The following ZBTB8B variants were observed in gnomAD, a reference collection of about 807,000 sequenced individuals.
The protein encoded by ZBTB8B is zinc finger and BTB domain-containing protein 8B.
In ZBTB8B, 17 loss-of-function variants were observed where a neutral mutation model predicts 30.3. The observed-to-expected ratio is 0.56, with a 90% CI of 0.38 to 0.84. The LOEUF is 0.84. Ranked by LOEUF, ZBTB8B falls within the 40% of genes least tolerant of loss-of-function variation. The pLI is 0.00. For synonymous variants in ZBTB8B, 248 were observed against 255.6 expected (o/e 0.97, Z 0.28); for missense variants, 515 against 644.9 (o/e 0.80, Z 2.18).
At chr1:32,468,970 G>A (rs536618013) in intron 1 of ZBTB8B, among the ~76,000 whole-genome samples, 25 of 152,066 alleles carry the variant, frequency 1.6e-4, no homozygotes, top group Admixed American at 2.6e-4. Flanking sequence ...CAGGAGGATC[G>A]CTTGAGGCAA....
rs1357899611 is a variant in ZBTB8B at position 32,477,357 on chromosome 1, G to T, written c.992-3534G>T. On this transcript the variant is annotated intron_variant, in intron 2 of 3. Coordinates refer to ENST00000609129, the MANE Select transcript of ZBTB8B (RefSeq NM_001145720.2). Reference sequence around the variant, plus strand: ...TAGGATTCAGGTGAACTGTGGTATTGGAGTGAGATCAGGAAAGGGGAAGAA... The same window carrying T: ...TAGGATTCAGGTGAACTGTGGTATTTGAGTGAGATCAGGAAAGGGGAAGAA... Among the ~76,000 whole-genome samples the T allele has an allele frequency of 2.0e-5, 3 of 152,178 alleles. No homozygotes were observed. The South Asian group carries it at 6.2e-4, about 32-fold the overall frequency.
rs1050618190 is a variant in ZBTB8B, at chr1:32,495,502, T to C, written c.*10084T>C. On this transcript the variant is annotated 3_prime_UTR_variant, in exon 4 of 4. Transcript: ENST00000609129. Reference sequence around the variant, plus strand: ...ATAATCTCAAGCTAAATTTTTGTTTTGATTTATATACAGTCAGATTGAAAC... The same window carrying C: ...ATAATCTCAAGCTAAATTTTTGTTTCGATTTATATACAGTCAGATTGAAAC... 14 of 152,184 alleles carry C rather than the reference T, an allele frequency of 9.2e-5. No homozygotes were observed. Among genetic ancestry groups the C allele is most frequent in the African/African-American group, 3.4e-4 (14 of 41,442 alleles). 9.4% of individuals were successfully genotyped at this position (152,184 alleles called of 1,614,324 possible).
chr1:32,471,519 C>A lies in ZBTB8B; in HGVS notation c.895C>A (p.His299Asn), dbSNP rs976982337. The change falls in exon 2 of 4, where the codon CAC becomes AAC. Residue 299 changes from histidine to asparagine, a missense_variant. Transcript: ENST00000609129. ...AAPSKDDADH[H>N]FSRSLEGRPE... ...CCCGAGCAAGGATGATGCAGACCAT[C>A]ACTTTTCTAGGAGTTTGGAAGGAAG... 27 of 1,551,682 alleles carry A rather than the reference C, an allele frequency of 1.7e-5. No individual in the cohort carries two copies. Among genetic ancestry groups the A allele is most frequent in the Admixed American group, 7.8e-5 (4 of 50,986 alleles).
In ZBTB8B at chr1:32,484,807, T is replaced by C. The variant is rs183181172; in HGVS notation, c.1171-294T>C. On this transcript the variant is annotated intron_variant, in intron 3 of 3. Coordinates refer to ENST00000609129, the MANE Select transcript of ZBTB8B (RefSeq NM_001145720.2). The surrounding 1 kb of genome is among the most constrained non-coding windows in gnomAD (Gnocchi z 4.5). ...GCTCCCCCTTTGTCTTCTGCCACAATTGTAAGTTTCCTGAGGCCTCCCTAG... is the reference window on the plus strand; with the variant it reads ...GCTCCCCCTTTGTCTTCTGCCACAACTGTAAGTTTCCTGAGGCCTCCCTAG... Among the ~76,000 whole-genome samples the C allele has an allele frequency of 5.5e-3, 832 of 152,172 alleles. 13 individuals carry two copies. Among genetic ancestry groups the C allele is most frequent in the African/African-American group, 0.019 (790 of 41,502 alleles).
chr1:32,482,210 G>T (rs1300081803), intron 3 of ZBTB8B, among the ~76,000 whole-genome samples: 2 of 151,906 alleles, frequency 1.3e-5, no homozygotes, highest in Non-Finnish European at 2.9e-5. Context: ...GGTTGCCCAG[G>T]CTGGTCTTGA....
chr1:32,484,625 G>T lies in ZBTB8B; in HGVS notation c.1171-476G>T, dbSNP rs1016498899. ...ATGCTGGAAGTGGGGCCTGGTGGGA[G>T]GTGGTTGCATCATGGGGGCAGTTTC... On this transcript the variant is annotated intron_variant, in intron 3 of 3. Transcript: ENST00000609129. The surrounding 1 kb of genome is among the most constrained non-coding windows in gnomAD (Gnocchi z 4.5). 1.3e-5 allele frequency among the ~76,000 whole-genome samples: 2 copies of T among 152,066 alleles called. No individual in the cohort carries two copies. Among genetic ancestry groups the T allele is most frequent in the Non-Finnish European group, 2.9e-5 (2 of 68,008 alleles).
At position 32,465,920 on chromosome 1, in the gene ZBTB8B, C is replaced by T. The variant is rs893033091; in HGVS notation, c.-42+815C>T. ...TAAAAGCCAGGCATGGTGGCGCGCA[C>T]CTGTAGTCCCTGCTACTCGGGAAGC... On this transcript the variant is annotated intron_variant, in intron 1 of 3. Coordinates refer to ENST00000609129, the MANE Select transcript of ZBTB8B (RefSeq NM_001145720.2). The surrounding 1 kb of genome is among the most constrained non-coding windows in gnomAD (Gnocchi z 4.1). Among the ~76,000 whole-genome samples, 6 of 152,114 alleles carry T rather than the reference C, an allele frequency of 3.9e-5. No homozygotes were observed. The highest frequency in any genetic ancestry group is 7.4e-5 in the Non-Finnish European group (5 of 68,026).
chr1:32,478,093 G>A (rs868579789), intron 2 of ZBTB8B, among the ~76,000 whole-genome samples: 9 of 151,912 alleles, frequency 5.9e-5, no homozygotes, highest in African/African-American at 1.7e-4. Context: ...GGTGGCACAC[G>A]CCTGTAGTCC....
intron 2 of ZBTB8B, among the ~76,000 whole-genome samples, chr1:32,476,463 C>T (rs1643666061): frequency 6.6e-6 from 1 of 152,126 alleles, no homozygotes; most frequent in African/African-American, 2.4e-5. Context: ...TCTCCACCTC[C>T]ACAACTACTG....
rs995312798 is a variant in ZBTB8B at position 32,465,392 on chromosome 1, G to C, written c.-42+287G>C. Among the ~76,000 whole-genome samples the C allele has an allele frequency of 1.3e-5, 2 of 152,262 alleles. No individual in the cohort carries two copies. Among genetic ancestry groups the C allele is most frequent in the African/African-American group, 4.8e-5 (2 of 41,474 alleles). ...GCGCCGACTACTTCCACGGTGAATG[G>C]TGCCCAGGCGTGGGGGGCTCGGCCA... On this transcript the variant is annotated intron_variant, in intron 1 of 3. Coordinates refer to ENST00000609129, the MANE Select transcript of ZBTB8B (RefSeq NM_001145720.2). This position sits in a 1 kb window ranked among gnomAD's most constrained non-coding sequence, Gnocchi z 4.1.
At chr1:32,480,834 T>TA (rs1328229979) in intron 2 of ZBTB8B, 57 bp from the exon 3 acceptor site, 5 of 1,457,778 alleles carry the variant, frequency 3.4e-6, no homozygotes, top group Non-Finnish European at 4.6e-6. Context: ...CACCGGCGGG[T>TA]AGCCAGGGTT....
intron 2 of ZBTB8B, among the ~76,000 whole-genome samples, chr1:32,478,948 C>T (rs1192338883): frequency 6.6e-6 from 1 of 152,184 alleles, no homozygotes; most frequent in Non-Finnish European, 1.5e-5. Flanking sequence ...CAAGTTCTTA[C>T]TATGTGCCAC....
At chr1:32,474,374 A>ATTG (rs1270741544) in intron 2 of ZBTB8B, among the ~76,000 whole-genome samples, 5 of 144,216 alleles carry the variant, frequency 3.5e-5, no homozygotes, top group African/African-American at 1.3e-4. Flanking sequence ...AAAAAAAAAA[A>ATTG]AAAAAAAATT....
chr1:32,485,354 G>A lies in ZBTB8B; in HGVS notation c.1424G>A (p.Gly475Glu), dbSNP rs748932460. 17 of 1,552,250 alleles carry A rather than the reference G, an allele frequency of 1.1e-5. No individual in the cohort carries two copies. The highest frequency in any genetic ancestry group is 2.0e-5 in the Admixed American group (1 of 50,990). The change falls in exon 4 of 4, where the codon GGA becomes GAA. Residue 475 changes from glycine to glutamate, a missense_variant. This residue lies in a region of ZBTB8B where 429 missense variants were observed against 504.3 expected (regional missense o/e 0.85). Transcript: ENST00000609129. The part of the protein sequence containing the change: ...VESGEENDPA[G>E]DDSDDKPQIQ... ...TCGGGTGAGGAAAATGACCCTGCTG[G>A]AGATGATTCTGATGACAAACCACAA...
intron 1 of ZBTB8B, among the ~76,000 whole-genome samples, chr1:32,466,001 C>T (rs571609853): frequency 6.6e-6 from 1 of 152,048 alleles, no homozygotes; most frequent in Non-Finnish European, 1.5e-5. Flanking sequence ...GAGGTAGGAT[C>T]GTGCACTCCA....
At chr1:32,477,078 C>A (rs1421795451) in intron 2 of ZBTB8B, among the ~76,000 whole-genome samples, 3 of 152,184 alleles carry the variant, frequency 2.0e-5, no homozygotes, top group Non-Finnish European at 4.4e-5. Context: ...TCTTCCTCTG[C>A]CCAAGATACC....
At chr1:32,473,314 AAAG>A (rs1205922775) in intron 2 of ZBTB8B, among the ~76,000 whole-genome samples, 1 of 151,944 alleles carries the variant, frequency 6.6e-6, no homozygotes, top group Non-Finnish European at 1.5e-5. Context: ...TCAAAAAAAA[AAAG>A]AAAGAAAGAA....
chr1:32,467,311 C>T (rs1216796804), intron 1 of ZBTB8B, among the ~76,000 whole-genome samples: 1 of 148,908 alleles, frequency 6.7e-6, no homozygotes, highest in Non-Finnish European at 1.5e-5. Flanking sequence ...GGCACAATCT[C>T]TGCTCACTGC....
chr1:32,469,312 C>T (rs1488490791), intron 1 of ZBTB8B, among the ~76,000 whole-genome samples: 1 of 139,322 alleles, frequency 7.2e-6, no homozygotes, highest in Non-Finnish European at 1.5e-5. Flanking sequence ...GTGGCGCAGT[C>T]TCAGCTCACT....
Sources: allele counts gnomAD v4.1 joint callset (sites outside exome capture counted in the v4.1 genomes callset), GRCh38; gene constraint gnomAD v4.1.1; regional missense constraint gnomAD v4.1.1; non-coding constraint Gnocchi (gnomAD v3.1); transcripts MANE v1.5; gene names NCBI Gene and HGNC (gene_info 2026-07-23, HGNC 2026-07-21).